The following PHF21A variants were observed in gnomAD, a reference collection of about 807,000 sequenced individuals.
PHF21A encodes PHD finger protein 21A.
In PHF21A, 11 loss-of-function variants were observed where a neutral mutation model predicts 82.5. That is an observed-to-expected ratio of 0.13 (90% confidence interval 0.08 to 0.22). The LOEUF (loss-of-function observed/expected upper bound fraction) is 0.22, where lower values mean the gene tolerates loss of function less well. Ranked by LOEUF, PHF21A falls within the 10% of genes least tolerant of loss-of-function variation. PHF21A has a pLI of 1.00. For synonymous variants in PHF21A, 297 were observed against 302.8 expected (o/e 0.98, Z 0.20); for missense variants, 579 against 837.8 (o/e 0.69, Z 3.81).
At position 45,945,842 on chromosome 11, in the gene PHF21A, C is replaced by T; in HGVS notation, c.1450G>A (p.Asp484Asn). ...TGTGCTTTTCCCAAGTTACTTACGT[C>T]TGTGGAGGTGGGGCTGGGCAGGGAC... ...PVSLPSPTSTDGDIHEDFCSV... is the reference protein window; with the variant it reads ...PVSLPSPTSTNGDIHEDFCSV... The change falls in exon 15 of 19, where the codon GAC (aspartate) becomes AAC (asparagine). Residue 484 changes from aspartate to asparagine, a missense_variant and splice_region_variant. Physicochemically the swap from Asp to Asn is conservative, Grantham distance 23. Coordinates refer to ENST00000676320, the MANE Select transcript of PHF21A (RefSeq NM_001352027.3). 1 of 1,573,290 alleles carries T rather than the reference C, an allele frequency of 6.4e-7. No individual in the cohort carries two copies. Among genetic ancestry groups the T allele is most frequent in the Non-Finnish European group, 8.6e-7 (1 of 1,162,670 alleles).
intron 6 of PHF21A, among the ~76,000 whole-genome samples, chr11:46,050,073 A>AGCAGAGTTAGCGATTG (rs1364553714): frequency 6.6e-6 from 1 of 152,228 alleles, no homozygotes; most frequent in Non-Finnish European, 1.5e-5. Context: ...GTCTTTCCCC[A>AGCAGAGTTAGCGATTG]GCAGAGTTAG....
At chr11:45,961,923 T>A (rs1437655273) in intron 10 of PHF21A, among the ~76,000 whole-genome samples, 1 of 152,198 alleles carries the variant, frequency 6.6e-6, no homozygotes, top group African/African-American at 2.4e-5. Context: ...AGCCACAGTG[T>A]AACGTGGTTT....
chr11:46,021,398 A>G (rs138700816), intron 6 of PHF21A, among the ~76,000 whole-genome samples: 7 of 152,078 alleles, frequency 4.6e-5, no homozygotes, highest in African/African-American at 1.7e-4. Context: ...ACCACATTTT[A>G]AACTATTAAC....
intron 1 of PHF21A, among the ~76,000 whole-genome samples, chr11:46,109,664 C>G (rs1419387217): frequency 6.6e-6 from 1 of 152,092 alleles, no homozygotes; most frequent in Admixed American, 6.6e-5. Context: ...ACACCATAAA[C>G]ACACACGTAA....
chr11:46,100,916 C>CT (rs1408180316), intron 1 of PHF21A, among the ~76,000 whole-genome samples: 4 of 152,170 alleles, frequency 2.6e-5, no homozygotes, highest in African/African-American at 9.7e-5. Context: ...TCAAAAGTCC[C>CT]TCCTTGACAA....
intron 6 of PHF21A, among the ~76,000 whole-genome samples, chr11:46,018,363 G>A (rs2095560577): frequency 6.6e-6 from 1 of 152,114 alleles, no homozygotes; most frequent in African/African-American, 2.4e-5. Flanking sequence ...ATGAAGGTCT[G>A]GGCTCAAGCT....
chr11:46,099,565 CTAA>C (rs1274885789), intron 1 of PHF21A, among the ~76,000 whole-genome samples: 1 of 148,450 alleles, frequency 6.7e-6, no homozygotes, highest in African/African-American at 2.5e-5. Context: ...CACACACACC[CTAA>C]ACACAAACAC....
intron 6 of PHF21A, among the ~76,000 whole-genome samples, chr11:45,981,940 C>CTTTTCTTTTTTTTTTT (rs2094307533): frequency 1.3e-5 from 1 of 78,268 alleles, no homozygotes; most frequent in East Asian, 4.5e-4. Context: ...TTTTGTTTTT[C>CTTTTCTTTTTTTTTTT]TTTTTTTTTT....
At chr11:45,970,143 A>G in intron 8 of PHF21A, 1 of 427,596 alleles carries the variant, frequency 2.3e-6, no homozygotes, top group Non-Finnish European at 4.2e-6. Flanking sequence ...TGGAGAACAT[A>G]GCAGGCTCAG....
intron 6 of PHF21A, among the ~76,000 whole-genome samples, chr11:46,071,135 G>C (rs1166305715): frequency 1.3e-5 from 2 of 152,126 alleles, no homozygotes; most frequent in African/African-American, 4.8e-5. Context: ...ACTTTGCAAG[G>C]CTTGGCCATG....
rs900033693 is a variant in PHF21A at position 45,995,179 on chromosome 11, C to G, written c.154-15213G>C. On this transcript the variant is annotated intron_variant, in intron 6 of 18. Coordinates refer to ENST00000676320, the MANE Select transcript of PHF21A (RefSeq NM_001352027.3). ...GTGTGATAGGCTTGCTTGGAGAAAG[C>G]ATGGATATTTGTTGTCTGATGGGAT... Among the ~76,000 whole-genome samples the G allele has an allele frequency of 3.9e-5, 6 of 152,180 alleles. No individual in the cohort carries two copies. The South Asian group carries it at 1.0e-3, about 26-fold the overall frequency.
At chr11:46,040,933 ACG>A (rs1555133773) in intron 6 of PHF21A, among the ~76,000 whole-genome samples, 65 of 119,292 alleles carry the variant, frequency 5.4e-4, no homozygotes, top group African/African-American at 1.6e-3. Flanking sequence ...ACACACACAC[ACG>A]CACGCACAAT....
At chr11:46,016,897 G>C (rs2095527754) in intron 6 of PHF21A, among the ~76,000 whole-genome samples, 1 of 151,682 alleles carries the variant, frequency 6.6e-6, no homozygotes, top group African/African-American at 2.4e-5. Flanking sequence ...AGCAATTCTG[G>C]GGCAAATCAA....
intron 6 of PHF21A, among the ~76,000 whole-genome samples, chr11:46,013,787 G>T (rs2095459786): frequency 6.6e-6 from 1 of 152,068 alleles, no homozygotes; most frequent in African/African-American, 2.4e-5. Flanking sequence ...GTAAGTATTT[G>T]TGTATCTAAA....
chr11:45,938,108 G>GT, intron 16 of PHF21A, 49 bp downstream of exon 16: 1 of 1,444,736 alleles, frequency 6.9e-7, no homozygotes, highest in South Asian at 1.4e-5. Context: ...CCTGATGGCC[G>GT]TGTCTTTGTC....
At chr11:46,077,113 A>C (rs2096735629) in intron 5 of PHF21A, among the ~76,000 whole-genome samples, 1 of 152,238 alleles carries the variant, frequency 6.6e-6, no homozygotes, top group African/African-American at 2.4e-5. Flanking sequence ...AAATATTCTT[A>C]TTCTTTATAG....
At chr11:46,019,879 C>G (rs1380345063) in intron 6 of PHF21A, among the ~76,000 whole-genome samples, 1 of 152,158 alleles carries the variant, frequency 6.6e-6, no homozygotes, top group Non-Finnish European at 1.5e-5. Flanking sequence ...CATTAAGAAG[C>G]AGGAAAGCCC....
At chr11:45,948,626 G>A (rs1424024069) in intron 14 of PHF21A, among the ~76,000 whole-genome samples, 1 of 152,226 alleles carries the variant, frequency 6.6e-6, no homozygotes, top group East Asian at 1.9e-4. Context: ...TGGCAGGCTT[G>A]GGGCAGAAAT....
intron 1 of PHF21A, among the ~76,000 whole-genome samples, chr11:46,099,326 G>A (rs544075765): frequency 2.0e-4 from 30 of 152,134 alleles, no homozygotes; most frequent in Non-Finnish European, 3.4e-4. Context: ...AACTCCTGCT[G>A]CATCGATAGC....
Sources: allele counts gnomAD v4.1 joint callset (sites outside exome capture counted in the v4.1 genomes callset), GRCh38; gene constraint gnomAD v4.1.1; transcripts MANE v1.5; gene names NCBI Gene and HGNC (gene_info 2026-07-23, HGNC 2026-07-21).